The following ABCA10 variants were observed in gnomAD, a reference collection of about 807,000 sequenced individuals.
ABCA10 encodes ATP-binding cassette sub-family A member 10.
In ABCA10, 169 loss-of-function variants were observed where a neutral mutation model predicts 187.5. The ratio of observed to expected loss-of-function variants is 0.90; its 90% CI spans 0.80 to 1.02. The LOEUF is 1.02. ABCA10 is among the 50% of genes least tolerant of loss of function. ABCA10 has a pLI of 0.00. For synonymous variants in ABCA10, 574 were observed against 601.8 expected (o/e 0.95, Z 0.68); for missense variants, 1,727 against 1,812.4 (o/e 0.95, Z 0.86).
chr17:69,154,819 C>T (rs2074161146), intron 30 of ABCA10, among the ~76,000 whole-genome samples, 200 bp downstream of exon 30: 1 of 152,132 alleles, frequency 6.6e-6, no homozygotes, highest in African/African-American at 2.4e-5. Context: ...TAATCCAAGA[C>T]TGGGTTTCTT....
intron 1 of ABCA10, among the ~76,000 whole-genome samples, chr17:69,243,732 T>C (rs144856392): frequency 0.046 from 7,019 of 152,160 alleles, 197 homozygotes; most frequent in Non-Finnish European, 0.066. Flanking sequence ...ACCCCATCTC[T>C]ACAAAAAATA....
In ABCA10 at chr17:69,187,894, T is replaced by C. The variant is rs533360991; in HGVS notation, c.2132-15A>G. 6.2e-7 allele frequency: 1 copy of C among 1,607,442 alleles called. No individual in the cohort carries two copies. Among genetic ancestry groups the C allele is most frequent in the South Asian group, 1.1e-5 (1 of 90,842 alleles). ...AATGTCAAAATCTACAATCATGTAA[T>C]AAAACATTTTAATAGGCTATGTTAT... On this transcript the variant is annotated splice_polypyrimidine_tract_variant and intron_variant, in intron 18 of 38. Coordinates refer to ENST00000690296, the MANE Select transcript of ABCA10 (RefSeq NM_001377321.1).
intron 7 of ABCA10, 45 bp downstream of exon 7, chr17:69,216,172 G>A (rs1226804890): frequency 3.2e-6 from 5 of 1,572,488 alleles, no homozygotes; most frequent in African/African-American, 2.7e-5. Flanking sequence ...TCATGTATCT[G>A]TAATCTGAAA....
chr17:69,210,170 C>CTTTTTTTTTTT (rs1160992125), intron 9 of ABCA10, among the ~76,000 whole-genome samples: 5 of 70,880 alleles, frequency 7.1e-5, no homozygotes, highest in African/African-American at 3.3e-4. Context: ...GTGGTTATTT[C>CTTTTTTTTTTT]TTTTTTTTTT....
At chr17:69,203,214 T>C (rs1475547528) in intron 9 of ABCA10, among the ~76,000 whole-genome samples, 3 of 152,154 alleles carry the variant, frequency 2.0e-5, no homozygotes, top group Non-Finnish European at 1.5e-5. Flanking sequence ...GATGAAAATA[T>C]GTAAACAGAT....
Position 69,182,232 on chromosome 17 carries a change from A to T in ABCA10, c.2690T>A (p.Met897Lys), listed in dbSNP as rs202245343. The T allele has an allele frequency of 1.3e-6, 2 of 1,599,946 alleles. No individual in the cohort carries two copies. Among genetic ancestry groups the T allele is most frequent in the East Asian group, 4.5e-5 (2 of 43,964 alleles). Residue 897 changes from methionine (M) to lysine (K), a missense_variant, in exon 22 of 39, where the codon ATG becomes AAG. Met to Lys is a moderately conservative substitution (Grantham distance 95). Transcript: ENST00000690296. ...CATAAGGGCATTGCTAACAATTCCC[A>T]TAAGAACAGGAAAACAATTCAATTT... ...TKKLNCFPVL[M>K]GIVSNALMGI...
At chr17:69,157,771 C>T (rs1419911125) in intron 27 of ABCA10, among the ~76,000 whole-genome samples, 2 of 151,144 alleles carry the variant, frequency 1.3e-5, no homozygotes, top group African/African-American at 4.9e-5. Context: ...GCTGGGACAA[C>T]TGGACATCCT....
chr17:69,170,753 GAA>G (rs5821700), intron 25 of ABCA10, among the ~76,000 whole-genome samples: 10 of 147,576 alleles, frequency 6.8e-5, no homozygotes, highest in African/African-American at 2.2e-4. Flanking sequence ...AGTTTCAAGG[GAA>G]AAAAAAAAAG....
At chr17:69,200,315 G>A (rs780540140) in intron 10 of ABCA10, among the ~76,000 whole-genome samples, 1 of 152,158 alleles carries the variant, frequency 6.6e-6, no homozygotes, top group Non-Finnish European at 1.5e-5. Context: ...GGCATAGGAG[G>A]TTAATACTTT....
intron 9 of ABCA10, among the ~76,000 whole-genome samples, chr17:69,211,346 T>TATATATATATA (rs1568070372): frequency 2.2e-3 from 61 of 27,750 alleles, no homozygotes; most frequent in African/African-American, 8.6e-3. Context: ...TATATATATA[T>TATATATATATA]ATATATATAT....
At chr17:69,225,270 AG>A (rs1343670731) in intron 3 of ABCA10, 54 bp downstream of exon 3, 5 of 1,592,532 alleles carry the variant, frequency 3.1e-6, no homozygotes, top group Non-Finnish European at 3.4e-6. Flanking sequence ...ACCTGCAAAA[AG>A]AACTTGAAAA....
At chr17:69,235,178 G>C (rs1356184929) in intron 1 of ABCA10, among the ~76,000 whole-genome samples, 1 of 152,114 alleles carries the variant, frequency 6.6e-6, no homozygotes, top group Non-Finnish European at 1.5e-5. Context: ...AGTTATCCCA[G>C]TTATCAATAA....
rs2074168451 is a variant in ABCA10, at chr17:69,155,715, C to T, written c.3576+90G>A. ...AATAGAAATATTAAAGAAACTAAAG[C>T]AGCTTTTCAAAATAAAAACCAACAT... On this transcript the variant is annotated intron_variant, in intron 29 of 38. Coordinates refer to ENST00000690296, the MANE Select transcript of ABCA10 (RefSeq NM_001377321.1). The T allele has an allele frequency of 1.7e-5, 24 of 1,440,088 alleles. No individual in the cohort carries two copies. The South Asian group carries it at 3.3e-4, about 20-fold the overall frequency. 89.2% of individuals were successfully genotyped at this position (1,440,088 alleles called of 1,614,324 possible). A position where few individuals can be genotyped will look rare whatever the true frequency, so the allele number is the denominator to read the frequency against.
chr17:69,166,826 G>A (rs1285801325), intron 25 of ABCA10, among the ~76,000 whole-genome samples: 3 of 152,170 alleles, frequency 2.0e-5, no homozygotes, highest in African/African-American at 4.8e-5. Context: ...ACAGATGGAA[G>A]TGCCCTCCCT....
intron 9 of ABCA10, among the ~76,000 whole-genome samples, chr17:69,211,891 C>T (rs9906278): frequency 6.6e-5 from 10 of 152,160 alleles, no homozygotes; most frequent in African/African-American, 2.2e-4. Context: ...GTGAATCTTG[C>T]TAATGGTCTA....
chr17:69,207,054 A>C (rs1366439886), intron 9 of ABCA10, among the ~76,000 whole-genome samples: 1 of 152,240 alleles, frequency 6.6e-6, no homozygotes, highest in African/African-American at 2.4e-5. Flanking sequence ...GTAAGAAAAA[A>C]TAACCCAATT....
At chr17:69,193,726 CAA>C (rs2074478723) in intron 13 of ABCA10, 86 bp downstream of exon 13, 1 of 1,559,478 alleles carries the variant, frequency 6.4e-7, no homozygotes, top group Admixed American at 2.0e-5. Flanking sequence ...CTTTACCTAT[CAA>C]AGAGTAGAGT....
chr17:69,219,777 T>C lies in ABCA10; in HGVS notation c.304-6A>G, dbSNP rs1355890674. 2 of 1,537,632 alleles carry C rather than the reference T, an allele frequency of 1.3e-6. No individual in the cohort carries two copies. Among genetic ancestry groups the C allele is most frequent in the Admixed American group, 2.0e-5 (1 of 48,988 alleles). On this transcript the variant is annotated splice_region_variant and splice_polypyrimidine_tract_variant and intron_variant, in intron 5 of 38. Transcript: ENST00000690296. Reference sequence around the variant, plus strand: ...ACAGAATGATTTGTTGTGACCTAAATTGGGACATTAGCAAATTTATTATGT... The same window carrying C: ...ACAGAATGATTTGTTGTGACCTAAACTGGGACATTAGCAAATTTATTATGT...
chr17:69,216,532 C>T (rs1402711260), intron 6 of ABCA10, among the ~76,000 whole-genome samples, 174 bp from the exon 7 acceptor site: 2 of 152,166 alleles, frequency 1.3e-5, no homozygotes, highest in African/African-American at 4.8e-5. Flanking sequence ...TCACTCTCAT[C>T]TGTAAAATGG....
Sources: allele counts gnomAD v4.1 joint callset (sites outside exome capture counted in the v4.1 genomes callset), GRCh38; gene constraint gnomAD v4.1.1; transcripts MANE v1.5; gene names NCBI Gene and HGNC (gene_info 2026-07-23, HGNC 2026-07-21).